STARD9: variants seen among roughly 807,000 people sequenced by gnomAD.
The protein encoded by STARD9 is StAR related lipid transfer domain containing 9, also known as stAR-related lipid transfer protein 9.
A neutral mutation model predicts 399.8 loss-of-function variants in STARD9; 346 were observed. That is an observed-to-expected ratio of 0.87 (90% CI 0.79 to 0.95). STARD9 has a LOEUF of 0.95. Among genes scored for constraint, STARD9 ranks in the 40% least tolerant of loss-of-function variants. The pLI is 0.00. For missense variants in STARD9, 5,832 were observed against 5,667.5 expected (o/e 1.03, Z -0.93); for synonymous variants, 2,203 against 2,143.5 (o/e 1.03, Z -0.77).
chr15:42,642,775 T>C (rs973740032), intron 7 of STARD9, among the ~76,000 whole-genome samples: 40 of 152,288 alleles, frequency 2.6e-4, no homozygotes, highest in African/African-American at 7.5e-4. Flanking sequence ...TCTCAAACTG[T>C]AGTGAAGGAC....
chr15:42,716,710 T>A lies in STARD9; in HGVS notation c.13318T>A (p.Trp4440Arg). ...HTNLPDSRDV[W>R]IGDERGGHSA... ...AAACTTGCCTGATTCCAGGGATGTA[T>A]GGATAGGGGATGAGCGAGGAGGCCA... The change falls in exon 27 of 33, where the codon TGG becomes AGG. Residue 4440 changes from tryptophan (W) to arginine (R), a missense_variant. By Grantham distance (101) the Trp-to-Arg change is moderately radical. Transcript: ENST00000290607. 6.5e-7 allele frequency: 1 copy of A among 1,537,010 alleles called. No individual in the cohort carries two copies. Among genetic ancestry groups the A allele is most frequent in the South Asian group, 1.2e-5 (1 of 84,060 alleles).
intron 18 of STARD9, 155 bp from the exon 19 acceptor site, chr15:42,675,509 G>A: frequency 1.6e-6 from 1 of 615,094 alleles, no homozygotes; most frequent in South Asian, 1.9e-5. Flanking sequence ...CAAGATGTAT[G>A]CTGTGAGATG....
intron 3 of STARD9, among the ~76,000 whole-genome samples, chr15:42,608,839 C>A (rs774019943): frequency 6.6e-6 from 1 of 152,114 alleles, no homozygotes; most frequent in Non-Finnish European, 1.5e-5. Flanking sequence ...TTGGGGGAAA[C>A]CTAAAGAACA....
At chr15:42,605,526 G>A (rs2058709017) in intron 3 of STARD9, among the ~76,000 whole-genome samples, 1 of 152,196 alleles carries the variant, frequency 6.6e-6, no homozygotes. Flanking sequence ...TATACAAATA[G>A]CCCCTTAAAC....
chr15:42,692,603 C>T lies in STARD9; in HGVS notation c.11025C>T (p.Thr3675=), dbSNP rs1313127610. The T allele has an allele frequency of 6.5e-7, 1 of 1,537,102 alleles. No homozygotes were observed. The highest frequency in any genetic ancestry group is 8.7e-7 in the Non-Finnish European group (1 of 1,146,928). Residue 3675 remains threonine, a synonymous_variant, in exon 23 of 33, where the codon ACC becomes ACT. Transcript: ENST00000290607. ...CAGCCTTTGATCTGGCCTCATGGAC[C>T]AGCATGCACAATCTGTCTCTCCACC... ...AVSAFDLASW[T]SMHNLSLHLS... is the part of the protein sequence containing the mutation.
chr15:42,645,454 T>C (rs947251762), intron 7 of STARD9, among the ~76,000 whole-genome samples: 1 of 152,186 alleles, frequency 6.6e-6, no homozygotes, highest in African/African-American at 2.4e-5. Context: ...TGAGCAGTAG[T>C]TCTCAACAGT....
At chr15:42,597,120 AG>A (rs1389897616) in intron 3 of STARD9, among the ~76,000 whole-genome samples, 4 of 152,114 alleles carry the variant, frequency 2.6e-5, no homozygotes, top group Non-Finnish European at 5.9e-5. Context: ...GTTTGAGACA[AG>A]GTCTCGTTCT....
In STARD9 at chr15:42,663,496, TG is replaced by T. The variant is rs766082022; in HGVS notation, c.1078+9del. On this transcript the variant is annotated splice_region_variant and intron_variant, in intron 12 of 32. Transcript: ENST00000290607. ...TAAAACCATCATGGTTGCCAGTGAGTGGGATGCCAGAGCTGGACCTGTGTTG... is the reference window on the plus strand; with the variant it reads ...TAAAACCATCATGGTTGCCAGTGAGTGGATGCCAGAGCTGGACCTGTGTTG... The T allele has an allele frequency of 1.3e-6, 2 of 1,537,144 alleles. No individual in the cohort carries two copies. Among genetic ancestry groups the T allele is most frequent in the South Asian group, 2.4e-5 (2 of 84,038 alleles).
rs1246434760 is a variant in STARD9 at position 42,689,576 on chromosome 15, C to T, written c.7998C>T (p.Phe2666=). 8 of 1,537,352 alleles carry T rather than the reference C, an allele frequency of 5.2e-6. No individual in the cohort carries two copies. The South Asian group carries it at 7.1e-5, about 14-fold the overall frequency. Residue 2666 remains phenylalanine (F), a synonymous_variant, in exon 23 of 33, where the codon TTC becomes TTT. Transcript: ENST00000290607. The part of the protein sequence containing the change: ...DREPWDPVQA[F]SHAAPAQDRK... ...AGCCATGGGATCCTGTGCAGGCTTT[C>T]TCCCATGCTGCTCCTGCTCAAGACA... is the stretch of plus-strand genomic sequence containing the variant.
rs1223271404 is a variant in STARD9, at chr15:42,685,074, A to C, written c.3496A>C (p.Asn1166His). The C allele has an allele frequency of 6.5e-7, 1 of 1,537,196 alleles. No individual in the cohort carries two copies. The highest frequency in any genetic ancestry group is 8.7e-7 in the Non-Finnish European group (1 of 1,146,922). ...YQSPKNRLGG[N>H]RPTNNRGQPR... is the part of the protein sequence containing the mutation. ...AAGCCCCAAAAACAGGCTAGGGGGCAATCGTCCCACCAACAACCGTGGCCA... is the reference window on the plus strand; with the variant it reads ...AAGCCCCAAAAACAGGCTAGGGGGCCATCGTCCCACCAACAACCGTGGCCA... The change falls in exon 23 of 33, where the codon AAT becomes CAT. Residue 1166 changes from asparagine to histidine, a missense_variant. Transcript: ENST00000290607.
Position 42,684,482 on chromosome 15 carries a change from C to T in STARD9, c.2904C>T (p.Phe968=), listed in dbSNP as rs1341666419. The T allele has an allele frequency of 1.3e-6, 2 of 1,537,254 alleles. No individual in the cohort carries two copies. The highest frequency in any genetic ancestry group is 1.7e-6 in the Non-Finnish European group (2 of 1,146,916). ...KLKPRHEPKI[F]TSTTQTRGAK... ...AGCCAAGGCATGAGCCAAAGATCTT[C>T]ACCTCTACTACCCAGACCAGAGGGG... is the stretch of plus-strand genomic sequence containing the variant. The change falls in exon 23 of 33, where the codon TTC becomes TTT. Residue 968 remains phenylalanine (F), a synonymous_variant. Transcript: ENST00000290607.
chr15:42,607,635 T>TAC (rs1222476878), intron 3 of STARD9, among the ~76,000 whole-genome samples: 5 of 136,710 alleles, frequency 3.7e-5, no homozygotes, highest in South Asian at 2.4e-4. Context: ...TAATATATTA[T>TAC]ACACACACAC....
chr15:42,658,764 A>G (rs1474797488), intron 9 of STARD9, among the ~76,000 whole-genome samples: 1 of 151,932 alleles, frequency 6.6e-6, no homozygotes, highest in African/African-American at 2.4e-5. Context: ...GATTACAGGC[A>G]TAAGCCACCG....
intron 7 of STARD9, among the ~76,000 whole-genome samples, chr15:42,645,678 TCCCA>T (rs2059631133): frequency 6.6e-6 from 1 of 151,696 alleles, no homozygotes; most frequent in Non-Finnish European, 1.5e-5. Flanking sequence ...TGATTCATTT[TCCCA>T]CCCATGCGCT....
chr15:42,704,348 C>G (rs1355344514), intron 26 of STARD9, among the ~76,000 whole-genome samples: 2 of 152,214 alleles, frequency 1.3e-5, no homozygotes, highest in Admixed American at 1.3e-4. Flanking sequence ...TCAATCTCTT[C>G]AGGATGGATC....
At chr15:42,708,103 T>G (rs1169516355) in intron 26 of STARD9, among the ~76,000 whole-genome samples, 1 of 151,966 alleles carries the variant, frequency 6.6e-6, no homozygotes, top group Non-Finnish European at 1.5e-5. Context: ...TGGTGAGCTG[T>G]GACCATGCTG....
intron 16 of STARD9, 105 bp from the exon 17 acceptor site, chr15:42,674,335 A>G (rs2060264979): frequency 8.7e-6 from 8 of 924,472 alleles, no homozygotes; most frequent in Non-Finnish European, 1.2e-5. Flanking sequence ...GAAGTGGTAC[A>G]GATGAGGCTG....
chr15:42,701,652 C>A (rs2060965858), intron 26 of STARD9, among the ~76,000 whole-genome samples: 1 of 152,050 alleles, frequency 6.6e-6, no homozygotes, highest in African/African-American at 2.4e-5. Flanking sequence ...GCCAGGGAGA[C>A]CCCAGAGAAA....
In STARD9 at chr15:42,585,547, G is replaced by A; in HGVS notation, c.144G>A (p.Gly48=). ...TGGACAATCGACCAGATGGCTTTGG[G>A]GACTCCCGGGAGAAGGTTATGGCAT... ...LKVDNRPDGF[G]DSREKVMAFG... Residue 48 remains glycine, a synonymous_variant, in exon 3 of 33, where the codon GGG becomes GGA. Coordinates refer to ENST00000290607, the MANE Select transcript of STARD9 (RefSeq NM_020759.3). 6.5e-7 allele frequency: 1 copy of A among 1,537,016 alleles called. No homozygotes were observed. Among genetic ancestry groups the A allele is most frequent in the Non-Finnish European group, 8.7e-7 (1 of 1,146,810 alleles).
Sources: gnomAD v4.1 joint callset for allele counts (sites outside exome capture counted in the v4.1 genomes callset) on GRCh38, gnomAD v4.1.1 for gene constraint, MANE v1.5 for transcripts, NCBI Gene and HGNC (gene_info 2026-07-23, HGNC 2026-07-21) for gene names.